DNA2: variants seen among roughly 807,000 people sequenced by gnomAD.
DNA2 encodes DNA replication ATP-dependent helicase/nuclease DNA2.
A neutral mutation model predicts 119.1 loss-of-function variants in DNA2; 101 were observed. The observed-to-expected ratio is 0.85, with a 90% CI of 0.72 to 1.00. DNA2 has a LOEUF of 1.00. Ranked by LOEUF, DNA2 falls within the 50% of genes least tolerant of loss-of-function variation. DNA2 has a pLI of 0.00. For missense variants in DNA2, 1,121 were observed against 1,255.5 expected (o/e 0.89, Z 1.62); for synonymous variants, 366 against 424.4 (o/e 0.86, Z 1.69).
At chr10:68,425,088 CTTTTTTTTTTT>C in intron 14 of DNA2, 1 of 129,442 alleles carries the variant, frequency 7.7e-6, no homozygotes, top group Non-Finnish European at 1.3e-5. Flanking sequence ...TGGAACATTT[CTTTTTTTTTTT>C]TTTTTTTTTT....
In DNA2 at chr10:68,454,779, C is replaced by T. The variant is rs960114329; in HGVS notation, c.719+4325G>A. Among the ~76,000 whole-genome samples the T allele has an allele frequency of 5.3e-5, 8 of 151,344 alleles. No individual in the cohort carries two copies. In the East Asian group the frequency reaches 1.6e-3, roughly 30 times the overall value. On this transcript the variant is annotated intron_variant, in intron 5 of 20. Transcript: ENST00000358410. ...CGAGATTGCGCCACTGCACTCCAGA[C>T]TAGGTGACAGAGCAAGGCTCCATCT...
In DNA2 at chr10:68,465,780, A is replaced by G; in HGVS notation, c.474T>C (p.Ile158=). Residue 158 remains isoleucine, a synonymous_variant, in exon 4 of 21, where the codon ATT becomes ATC. Coordinates refer to ENST00000358410, the MANE Select transcript of DNA2 (RefSeq NM_001080449.3). The part of the protein sequence containing the change: ...SSDPATRQML[I]GTVLHEVFQK... Reference sequence around the variant, plus strand: ...GAAACACCTCATGGAGAACCGTACCAATTAGCATTTGGCGTGTGGCTGGAT... The same window carrying G: ...GAAACACCTCATGGAGAACCGTACCGATTAGCATTTGGCGTGTGGCTGGAT... 1.3e-6 allele frequency: 2 copies of G among 1,596,522 alleles called. No homozygotes were observed. The highest frequency in any genetic ancestry group is 1.7e-6 in the Non-Finnish European group (2 of 1,171,978).
intron 4 of DNA2, among the ~76,000 whole-genome samples, chr10:68,463,800 C>T (rs977979155): frequency 6.6e-6 from 1 of 152,078 alleles, no homozygotes; most frequent in Non-Finnish European, 1.5e-5. Context: ...ATATTAAACA[C>T]CAAATTTAAT....
At chr10:68,420,019 T>C in intron 17 of DNA2, 127 bp from the exon 18 acceptor site, 1 of 761,142 alleles carries the variant, frequency 1.3e-6, no homozygotes, top group Admixed American at 2.8e-5. Context: ...AAGATGAAGG[T>C]GAAAGAATCA....
chr10:68,438,911 T>C (rs2051927675), intron 9 of DNA2, among the ~76,000 whole-genome samples: 1 of 150,558 alleles, frequency 6.6e-6, no homozygotes, highest in Non-Finnish European at 1.5e-5. Context: ...CAAGCACCTG[T>C]AATCCCAGCT....
intron 9 of DNA2, among the ~76,000 whole-genome samples, chr10:68,441,239 A>G (rs1042331425): frequency 5.1e-4 from 77 of 150,768 alleles, no homozygotes; most frequent in Non-Finnish European, 9.3e-4. Flanking sequence ...TTGAGGCAGG[A>G]GCACTGTGAA....
At position 68,471,791 on chromosome 10, in the gene DNA2, A is replaced by T; in HGVS notation, c.74T>A (p.Leu25Gln). 6.3e-7 allele frequency: 1 copy of T among 1,597,760 alleles called. No homozygotes were observed. The highest frequency in any genetic ancestry group is 1.1e-5 in the South Asian group (1 of 87,340). ...FWEEAELPAELFQKKVVASFP... is the reference protein window; with the variant it reads ...FWEEAELPAEQFQKKVVASFP... ...CACACCCTCCCCCCTCTCCGCTCACAGCTCCGCCGGCAGCTCCGCCTCCTC... is the reference window on the plus strand; with the variant it reads ...CACACCCTCCCCCCTCTCCGCTCACTGCTCCGCCGGCAGCTCCGCCTCCTC... The change falls in exon 1 of 21, where the codon CTA becomes CAA. Residue 25 changes from leucine to glutamine, a missense_variant and splice_region_variant. By Grantham distance (113) the Leu-to-Gln change is moderately radical (BLOSUM62 -2). Coordinates refer to ENST00000358410, the MANE Select transcript of DNA2 (RefSeq NM_001080449.3).
rs553754487 is a variant in DNA2 at position 68,470,054 on chromosome 10, A to G, written c.184T>C (p.Cys62Arg). 4 of 1,613,824 alleles carry G rather than the reference A, an allele frequency of 2.5e-6. No individual in the cohort carries two copies. The East Asian group carries it at 8.9e-5, about 36-fold the overall frequency. Residue 62 changes from cysteine to arginine, a missense_variant, in exon 2 of 21, where the codon TGT (cysteine) becomes CGT (arginine). Transcript: ENST00000358410. ...VNTVQNKEGNCEKRLVITASQ... is the reference protein window; with the variant it reads ...VNTVQNKEGNREKRLVITASQ... Reference sequence around the variant, plus strand: ...GCAGTGATGACCAGGCGCTTTTCACAGTTTCCCTCTTTGTTCTGTACAGTA... The same window carrying G: ...GCAGTGATGACCAGGCGCTTTTCACGGTTTCCCTCTTTGTTCTGTACAGTA...
At chr10:68,448,568 T>C (rs76730037) in intron 6 of DNA2, among the ~76,000 whole-genome samples, 3,448 of 152,276 alleles carry the variant, frequency 0.023, 130 homozygotes, top group African/African-American at 0.078. Context: ...TTTTAAGCCT[T>C]GTTCTAGCAA....
In DNA2 at chr10:68,454,940, ATTT is replaced by A. The variant is rs113945256; in HGVS notation, c.719+4161_719+4163del. The stretch of plus-strand genomic sequence containing the variant: ...AGGAGCAGTTGAAGATAAAATTAGG[ATTT>A]TTTTTTTTTTTTTGAGATGGAATCT... On this transcript the variant is annotated intron_variant, in intron 5 of 20. Coordinates refer to ENST00000358410, the MANE Select transcript of DNA2 (RefSeq NM_001080449.3). Among the ~76,000 whole-genome samples, 432 of 138,642 alleles carry A rather than the reference ATTT, an allele frequency of 3.1e-3. 3 individuals are homozygous for A. Among genetic ancestry groups the A allele is most frequent in the African/African-American group, 9.6e-3 (361 of 37,782 alleles). The allele number at this position is 138,642 out of a possible 152,430, so 91.0% of individuals were successfully genotyped here. A position where few individuals can be genotyped will look rare whatever the true frequency, so the allele number is the denominator to read the frequency against.
chr10:68,457,547 C>A (rs1477255107), intron 5 of DNA2, among the ~76,000 whole-genome samples: 1 of 152,152 alleles, frequency 6.6e-6, no homozygotes, highest in Non-Finnish European at 1.5e-5. Context: ...TGGTCCCCTG[C>A]TGTTTACTTG....
intron 14 of DNA2, chr10:68,424,950 G>C (rs1384608709): frequency 6.0e-6 from 4 of 665,976 alleles, no homozygotes; most frequent in African/African-American, 5.4e-5. Flanking sequence ...AGTCAGAAAA[G>C]AGAAAGGCAA....
chr10:68,447,045 G>A (rs2052049045), intron 6 of DNA2, among the ~76,000 whole-genome samples: 1 of 151,856 alleles, frequency 6.6e-6, no homozygotes, highest in Admixed American at 6.6e-5. Context: ...TTGAGGGGAT[G>A]GATACCGCAT....
chr10:68,471,872 G>C lies in DNA2; in HGVS notation c.-8C>G, dbSNP rs1458595232. ...TTCGTTCAGCTGCTCCATCCTGGAC[G>C]CGGGGATCGCAAACTGTAGACAGAA... On this transcript the variant is annotated 5_prime_UTR_variant, in exon 1 of 21. Transcript: ENST00000358410. 2 of 1,613,852 alleles carry C rather than the reference G, an allele frequency of 1.2e-6. No individual in the cohort carries two copies. The highest frequency in any genetic ancestry group is 1.3e-5 in the African/African-American group (1 of 74,952).
rs543964193 is a variant in DNA2 at position 68,443,907 on chromosome 10, C to A, written c.1221-796G>T. On this transcript the variant is annotated intron_variant, in intron 8 of 20. Coordinates refer to ENST00000358410, the MANE Select transcript of DNA2 (RefSeq NM_001080449.3). ...TGGAGGTTGCAGTGAGCCAAGATTG[C>A]ACCACTGCACTCCAGCCCAGGCAAC... Among the ~76,000 whole-genome samples the A allele has an allele frequency of 2.6e-5, 4 of 151,032 alleles. No homozygotes were observed. The East Asian group carries it at 7.9e-4, about 30-fold the overall frequency.
intron 18 of DNA2, 56 bp downstream of exon 18, chr10:68,419,747 T>C (rs955066626): frequency 1.7e-5 from 23 of 1,328,482 alleles, no homozygotes; most frequent in Non-Finnish European, 2.4e-5. Context: ...TCTTACAGTC[T>C]AACATTCTTT....
At chr10:68,472,050 T>A (rs1178909160), upstream of DNA2, 1 of 1,599,968 alleles carries the variant, frequency 6.3e-7, no homozygotes, top group Non-Finnish European at 8.5e-7. Flanking sequence ...GTGGGGCCCC[T>A]CACCTGAGCA....
intron 5 of DNA2, among the ~76,000 whole-genome samples, chr10:68,453,660 A>G (rs10823199): frequency 0.25 from 38,724 of 152,052 alleles, 5,703 homozygotes; most frequent in East Asian, 0.4. Flanking sequence ...TCTATATTTC[A>G]ATATGTTTAG....
chr10:68,452,634 C>T (rs10998180), intron 5 of DNA2, among the ~76,000 whole-genome samples: 6,192 of 150,390 alleles, frequency 0.041, 395 homozygotes, highest in South Asian at 0.18. Context: ...TGCAGTAGCA[C>T]GAACACAGTT....
Sources: allele counts gnomAD v4.1 joint callset (sites outside exome capture counted in the v4.1 genomes callset), GRCh38; gene constraint gnomAD v4.1.1; transcripts MANE v1.5; gene names NCBI Gene and HGNC (gene_info 2026-07-23, HGNC 2026-07-21).